Variants in P2RY12 observed in about 807,000 individuals in gnomAD.
P2RY12 encodes the protein P2Y purinoceptor 12.
A neutral mutation model predicts 4.5 loss-of-function variants in P2RY12; 3 were observed. The observed-to-expected ratio is 0.67, with a 90% CI of 0.31 to 1.74. P2RY12 has a LOEUF of 1.74. Ranked by LOEUF, P2RY12 falls within the 40% of genes most tolerant of loss-of-function variation. P2RY12 has a pLI of 0.09. For synonymous variants in P2RY12, 148 were observed against 154.1 expected, an observed-to-expected ratio of 0.96 and a Z score of 0.29; for missense variants, 356 against 407.8, an observed-to-expected ratio of 0.87 and a Z score of 1.09.
At chr3:151,366,401 C>A (rs1167152207) in intron 1 of P2RY12, among the ~76,000 whole-genome samples, 1 of 152,124 alleles carries the variant, frequency 6.6e-6, no homozygotes, top group East Asian at 1.9e-4. Context: ...GTGCAAGGCG[C>A]AGTATACAAA....
chr3:151,368,816 C>T (rs1255184240), intron 1 of P2RY12, among the ~76,000 whole-genome samples: 1 of 145,710 alleles, frequency 6.9e-6, no homozygotes, highest in Non-Finnish European at 1.5e-5. Flanking sequence ...GGCTGGAGTA[C>T]AGTGGTGTGA....
chr3:151,369,728 G>A (rs1755949165), intron 1 of P2RY12, among the ~76,000 whole-genome samples: 1 of 152,118 alleles, frequency 6.6e-6, no homozygotes, highest in Non-Finnish European at 1.5e-5. Flanking sequence ...GGAAGATCCT[G>A]TCCCTTATCT....
intron 2 of P2RY12, 105 bp from the exon 3 acceptor site, chr3:151,338,964 G>A: frequency 1.1e-6 from 1 of 951,472 alleles, no homozygotes; most frequent in Non-Finnish European, 1.7e-6. Context: ...AAAAGTTGAG[G>A]TTTCTCATCT....
chr3:151,338,481 C>T lies in P2RY12; in HGVS notation c.365G>A (p.Arg122His), dbSNP rs778790805. 4.8e-5 allele frequency: 78 copies of T among 1,613,564 alleles called. No homozygotes were observed. The highest frequency in any genetic ancestry group is 2.2e-5 in the East Asian group (1 of 44,852). Residue 122 changes from arginine (R) to histidine (H), a missense_variant, in exon 3 of 3, where the codon CGC becomes CAC. Coordinates refer to ENST00000302632, the MANE Select transcript of P2RY12 (RefSeq NM_022788.5). ...AAATGGCCTGGTGGTCTTCTGGTAG[C>T]GATCGATAGTTATCAGTCCCAGGAA... ...ISFLGLITID[R>H]YQKTTRPFKT...
chr3:151,378,824 G>A (rs745999072), intron 1 of P2RY12, among the ~76,000 whole-genome samples: 15 of 152,134 alleles, frequency 9.9e-5, no homozygotes, highest in Non-Finnish European at 8.8e-5. Flanking sequence ...TAGATTTCTT[G>A]TCCACTAATG....
chr3:151,354,161 A>AAAAAAAAAAAAAC (rs1753634275), intron 1 of P2RY12, among the ~76,000 whole-genome samples: 1 of 150,746 alleles, frequency 6.6e-6, no homozygotes, highest in African/African-American at 2.4e-5. Context: ...AAAAAAAAAA[A>AAAAAAAAAAAAAC]AAAGAATCAC....
At chr3:151,376,905 T>G (rs747381645) in intron 1 of P2RY12, 1 of 1,612,502 alleles carries the variant, frequency 6.2e-7, no homozygotes, top group African/African-American at 1.3e-5. Flanking sequence ...TATCTCTGTA[T>G]GAAATTTTAT....
chr3:151,360,359 A>T, intron 1 of P2RY12: 2 of 903,750 alleles, frequency 2.2e-6, no homozygotes, highest in Admixed American at 5.0e-5. Context: ...TAGTTTCAAC[A>T]ATCCAATATC....
chr3:151,351,467 G>A (rs959719175), intron 1 of P2RY12, among the ~76,000 whole-genome samples: 1 of 152,168 alleles, frequency 6.6e-6, no homozygotes, highest in African/African-American at 2.4e-5. Context: ...CAAGAGTTGT[G>A]GAAGGGAAAT....
intron 1 of P2RY12, among the ~76,000 whole-genome samples, chr3:151,374,582 C>T (rs1466608161): frequency 1.3e-5 from 2 of 150,972 alleles, no homozygotes; most frequent in African/African-American, 4.8e-5. Context: ...AAATGTTACA[C>T]ACATACCACT....
chr3:151,364,648 A>G (rs959345171), intron 1 of P2RY12, among the ~76,000 whole-genome samples: 2 of 152,220 alleles, frequency 1.3e-5, no homozygotes, highest in African/African-American at 4.8e-5. Flanking sequence ...AACTGTTAAG[A>G]CACAGTTGTT....
chr3:151,350,454 T>C (rs573859537), intron 1 of P2RY12, among the ~76,000 whole-genome samples: 5 of 152,160 alleles, frequency 3.3e-5, no homozygotes, highest in African/African-American at 1.2e-4. Context: ...TTGTATTCCA[T>C]AGGTAGGTGT....
At chr3:151,380,199 C>T in intron 1 of P2RY12, 1 of 1,607,816 alleles carries the variant, frequency 6.2e-7, no homozygotes, top group Non-Finnish European at 8.5e-7. Flanking sequence ...GGCCTCCTAA[C>T]ATCTCTCCAG....
At chr3:151,368,737 T>G (rs71306552) in intron 1 of P2RY12, among the ~76,000 whole-genome samples, 5,729 of 76,366 alleles carry the variant, frequency 0.075, 282 homozygotes, top group Non-Finnish European at 0.11. Context: ...TTCATTTCAT[T>G]TCATTTCATT....
At chr3:151,342,247 T>G (rs1751949810) in intron 1 of P2RY12, among the ~76,000 whole-genome samples, 1 of 152,144 alleles carries the variant, frequency 6.6e-6, no homozygotes, top group Non-Finnish European at 1.5e-5. Flanking sequence ...CTGTGCTGCT[T>G]TAACTTTATG....
chr3:151,380,652 T>C (rs1712125615), intron 1 of P2RY12, among the ~76,000 whole-genome samples: 1 of 151,108 alleles, frequency 6.6e-6, no homozygotes, highest in South Asian at 2.1e-4. Context: ...GAGTAGACGC[T>C]GAGAAACAAT....
chr3:151,376,072 C>T, intron 1 of P2RY12: 1 of 1,605,502 alleles, frequency 6.2e-7, no homozygotes, highest in Non-Finnish European at 8.5e-7. Flanking sequence ...AGATTATGTA[C>T]AGACAAAGAA....
At chr3:151,350,167 C>T (rs767450332) in intron 1 of P2RY12, 3 of 1,613,676 alleles carry the variant, frequency 1.9e-6, no homozygotes, top group Admixed American at 1.7e-5. Context: ...CAAAGATATC[C>T]TGAAAATTCT....
rs759521674 is a variant in P2RY12, at chr3:151,337,789, G to C, written c.*28C>G. On this transcript the variant is annotated 3_prime_UTR_variant, in exon 3 of 3. Coordinates refer to ENST00000302632, the MANE Select transcript of P2RY12 (RefSeq NM_022788.5). ...CTTTAACGAGTTCTGAACACAAAGA[G>C]ATTGAAATATTTCCTTAGTTAATTT... 2.5e-6 allele frequency: 4 copies of C among 1,607,088 alleles called. No homozygotes were observed. Among genetic ancestry groups the C allele is most frequent in the African/African-American group, 1.3e-5 (1 of 74,900 alleles).
Sources: allele counts gnomAD v4.1 joint callset (sites outside exome capture counted in the v4.1 genomes callset), GRCh38; gene constraint gnomAD v4.1.1; transcripts MANE v1.5; gene names NCBI Gene and HGNC (gene_info 2026-07-23, HGNC 2026-07-21).